FOLH1: variants seen among roughly 807,000 people sequenced by gnomAD.
The protein encoded by FOLH1 is folate hydrolase 1, also known as glutamate carboxypeptidase 2.
A neutral mutation model predicts 93.9 loss-of-function variants in FOLH1; 54 were observed. The observed-to-expected ratio is 0.57, with a 90% CI of 0.46 to 0.72. The LOEUF is 0.72. Among genes scored for constraint, FOLH1 ranks in the 30% least tolerant of loss-of-function variants. The probability of loss-of-function intolerance (pLI) is 0.00; values close to 1 mark genes in which losing one functional copy is unlikely to be tolerated. For synonymous variants in FOLH1, 249 were observed against 303.6 expected, an observed-to-expected ratio of 0.82 and a Z score of 1.87; for missense variants, 571 against 892.5, an observed-to-expected ratio of 0.64 and a Z score of 4.59.
chr11:49,160,451 CT>C (rs910834590), intron 13 of FOLH1, among the ~76,000 whole-genome samples: 7 of 150,426 alleles, frequency 4.7e-5, no homozygotes, highest in African/African-American at 1.2e-4. Flanking sequence ...ATGTTTTTTT[CT>C]TTTTTTTTGA....
At chr11:49,167,826 A>G (rs1721685374) in intron 12 of FOLH1, among the ~76,000 whole-genome samples, 1 of 152,026 alleles carries the variant, frequency 6.6e-6, no homozygotes, top group African/African-American at 2.4e-5. Flanking sequence ...AAACAAGCAG[A>G]CAAACAAAAA....
rs575210364 is a variant in FOLH1 at position 49,162,607 on chromosome 11, G to T, written c.1440+2098C>A. Among the ~76,000 whole-genome samples, 9 of 152,174 alleles carry T rather than the reference G, an allele frequency of 5.9e-5. No individual in the cohort carries two copies. The East Asian group carries it at 1.6e-3, about 26-fold the overall frequency. ...TACTTCTGTCATTTCAGGCATCTCA[G>T]CCTCAACCCGGTTCCGAAACCTTGC... On this transcript the variant is annotated intron_variant, in intron 13 of 18. Transcript: ENST00000256999.
At chr11:49,202,752 G>T (rs1863418535) in intron 2 of FOLH1, among the ~76,000 whole-genome samples, 1 of 152,124 alleles carries the variant, frequency 6.6e-6, no homozygotes, top group Non-Finnish European at 1.5e-5. Flanking sequence ...GATGACGAAG[G>T]TATTTAGTAA....
intron 13 of FOLH1, among the ~76,000 whole-genome samples, chr11:49,158,441 A>C (rs1361354871): frequency 2.6e-5 from 4 of 152,174 alleles, no homozygotes; most frequent in Non-Finnish European, 5.9e-5. Flanking sequence ...GTAAGGATTC[A>C]ATTTAATATT....
chr11:49,179,186 G>A (rs1860444116), intron 7 of FOLH1, among the ~76,000 whole-genome samples: 1 of 152,194 alleles, frequency 6.6e-6, no homozygotes, highest in Non-Finnish European at 1.5e-5. Context: ...GAGCCTTCCA[G>A]GCACAGAGGC....
chr11:49,202,434 A>T (rs1158838567), intron 2 of FOLH1, among the ~76,000 whole-genome samples: 1 of 151,980 alleles, frequency 6.6e-6, no homozygotes, highest in Non-Finnish European at 1.5e-5. Flanking sequence ...ACAGAGTCTC[A>T]TTCTGTTGCC....
chr11:49,186,580 A>T, intron 5 of FOLH1, 64 bp downstream of exon 5: 1 of 1,524,586 alleles, frequency 6.6e-7, no homozygotes, highest in Non-Finnish European at 8.9e-7. Flanking sequence ...GATTCTACAC[A>T]TGTAAAACCC....
intron 3 of FOLH1, among the ~76,000 whole-genome samples, chr11:49,199,830 G>A (rs1027383024): frequency 1.3e-5 from 2 of 151,834 alleles, no homozygotes; most frequent in Non-Finnish European, 2.9e-5. Context: ...AGAATCCCTT[G>A]AACATGGGAG....
At chr11:49,173,906 CCATT>C in intron 9 of FOLH1, among the ~76,000 whole-genome samples, 2 of 152,244 alleles carry the variant, frequency 1.3e-5, no homozygotes, top group South Asian at 4.1e-4. Flanking sequence ...TTTTCTCCCT[CCATT>C]CAGTTTTTAA....
In FOLH1 at chr11:49,187,604, CT is replaced by C. The variant is rs1245740580; in HGVS notation, c.514-836del. On this transcript the variant is annotated intron_variant, in intron 4 of 18. Transcript: ENST00000256999. ...CTTTACAGTCAAAATTTTGTCATCT[CT>C]TTTTTTTTCTTGAACTTGTATATTG... 5.3e-5 allele frequency among the ~76,000 whole-genome samples: 8 copies of C among 151,492 alleles called. No homozygotes were observed. The South Asian group carries it at 1.7e-3, about 32-fold the overall frequency.
At chr11:49,178,465 A>T (rs889964528) in intron 7 of FOLH1, among the ~76,000 whole-genome samples, 1 of 152,210 alleles carries the variant, frequency 6.6e-6, no homozygotes, top group African/African-American at 2.4e-5. Flanking sequence ...CACAATATAA[A>T]ACCACGATTG....
chr11:49,166,743 G>A (rs1483723366), intron 12 of FOLH1, among the ~76,000 whole-genome samples: 2 of 152,186 alleles, frequency 1.3e-5, no homozygotes, highest in African/African-American at 4.8e-5. Context: ...AAACAAGTGA[G>A]ATGAATGGTG....
Position 49,154,277 on chromosome 11 carries a change from A to G in FOLH1, c.1839T>C (p.Ser613=), listed in dbSNP as rs781269388. 2 of 1,613,512 alleles carry G rather than the reference A, an allele frequency of 1.2e-6. No individual in the cohort carries two copies. Among genetic ancestry groups the G allele is most frequent in the Non-Finnish European group, 1.7e-6 (2 of 1,179,600 alleles). ...VLRKYADKIY[S]ISMKHPQEMK... Reference sequence around the variant, plus strand: ...TTTCCTGTGGATGTTTCATAGAAATACTGTAGATTTTGTCAGCATACTTTC... The same window carrying G: ...TTTCCTGTGGATGTTTCATAGAAATGCTGTAGATTTTGTCAGCATACTTTC... The change falls in exon 16 of 19, where the codon AGT becomes AGC. Residue 613 remains serine, a synonymous_variant. Transcript: ENST00000256999.
Position 49,181,016 on chromosome 11 carries a change from C to T in FOLH1, c.920+2133G>A, listed in dbSNP as rs565870203. Among the ~76,000 whole-genome samples the T allele has an allele frequency of 5.9e-5, 9 of 152,198 alleles. No individual in the cohort carries two copies. In the East Asian group the frequency reaches 7.7e-4, roughly 13 times the overall value. On this transcript the variant is annotated intron_variant, in intron 7 of 18. Coordinates refer to ENST00000256999, the MANE Select transcript of FOLH1 (RefSeq NM_004476.3). Reference sequence around the variant, plus strand: ...ATTGACCTAGTAAACCAGACCAAATCGTAGACGTCTAAATAAATCTCACAT... The same window carrying T: ...ATTGACCTAGTAAACCAGACCAAATTGTAGACGTCTAAATAAATCTCACAT...
chr11:49,206,237 T>C (rs1863925503), intron 1 of FOLH1, 65 bp from the exon 2 acceptor site: 1 of 1,600,788 alleles, frequency 6.2e-7, no homozygotes, highest in Non-Finnish European at 8.5e-7. Context: ...TTTTTCATTA[T>C]TGTTGTATGT....
chr11:49,155,592 T>A (rs1856915321), intron 15 of FOLH1: 1 of 234,522 alleles, frequency 4.3e-6, no homozygotes, highest in African/African-American at 2.4e-5. Flanking sequence ...ATTGAAAAAG[T>A]ATCAGGATTA....
chr11:49,180,936 T>C (rs1860653160), intron 7 of FOLH1, among the ~76,000 whole-genome samples: 1 of 152,080 alleles, frequency 6.6e-6, no homozygotes, highest in Non-Finnish European at 1.5e-5. Flanking sequence ...TGAATTGTGT[T>C]TGTTATTTTT....
At chr11:49,193,074 G>A (rs571867286) in intron 3 of FOLH1, among the ~76,000 whole-genome samples, 180 bp from the exon 4 acceptor site, 1 of 152,178 alleles carries the variant, frequency 6.6e-6, no homozygotes, top group African/African-American at 2.4e-5. Flanking sequence ...TTCACGAGAT[G>A]AATAAATCAC....
At chr11:49,186,010 C>T (rs531689071) in intron 5 of FOLH1, 155 bp from the exon 6 acceptor site, 64 of 1,076,924 alleles carry the variant, frequency 5.9e-5, no homozygotes, top group Admixed American at 1.1e-4. Context: ...GATAGAATTT[C>T]CCTTTTCTTT....
Sources: gnomAD v4.1 joint callset for allele counts (sites outside exome capture counted in the v4.1 genomes callset) on GRCh38, gnomAD v4.1.1 for gene constraint, MANE v1.5 for transcripts, NCBI Gene and HGNC (gene_info 2026-07-23, HGNC 2026-07-21) for gene names.